The following PXDN variants were observed in gnomAD, a reference collection of about 807,000 sequenced individuals.
PXDN encodes peroxidasin homolog.
Under a neutral mutation model 140.3 loss-of-function variants are expected in PXDN, and 77 were observed. That is an observed-to-expected ratio of 0.55 (90% CI 0.46 to 0.66). The LOEUF (loss-of-function observed/expected upper bound fraction) is 0.66. PXDN is among the 30% of genes least tolerant of loss of function. PXDN has a pLI of 0.00. For missense variants in PXDN, 1,838 were observed against 2,039.5 expected (o/e 0.90, Z 1.90); for synonymous variants, 911 against 857.4 (o/e 1.06, Z -1.09).
chr2:1,732,209 C>T (rs1685327835), intron 1 of PXDN, among the ~76,000 whole-genome samples: 1 of 152,128 alleles, frequency 6.6e-6, no homozygotes, highest in African/African-American at 2.4e-5. Flanking sequence ...AGCTCATTGC[C>T]TAAGAGAGAA....
intron 1 of PXDN, among the ~76,000 whole-genome samples, chr2:1,701,273 A>G (rs538546259): frequency 1.3e-5 from 2 of 152,342 alleles, no homozygotes; most frequent in South Asian, 4.1e-4. Flanking sequence ...CACAGGGGTG[A>G]GTACATCCAT....
intron 2 of PXDN, 57 bp downstream of exon 2, chr2:1,693,005 TA>T: frequency 6.9e-7 from 1 of 1,439,148 alleles, no homozygotes; most frequent in Non-Finnish European, 9.6e-7. Context: ...TACCTACAGA[TA>T]AACAATGTAA....
chr2:1,709,679 C>A (rs11684180), intron 1 of PXDN, among the ~76,000 whole-genome samples: 1 of 152,088 alleles, frequency 6.6e-6, no homozygotes, highest in South Asian at 2.1e-4. Flanking sequence ...CTGTCACCCC[C>A]ACGCGGTGGT....
intron 19 of PXDN, among the ~76,000 whole-genome samples, chr2:1,642,842 C>T (rs1335596457): frequency 6.6e-6 from 1 of 152,210 alleles, no homozygotes; most frequent in African/African-American, 2.4e-5. Context: ...ATCAGGGCGT[C>T]CCTCAGCTAC....
chr2:1,704,779 A>C (rs1684550289), intron 1 of PXDN, among the ~76,000 whole-genome samples: 1 of 152,090 alleles, frequency 6.6e-6, no homozygotes, highest in Non-Finnish European at 1.5e-5. Flanking sequence ...TCAGATATGC[A>C]TGTCTCGGTG....
chr2:1,647,254 A>G (rs933901977), intron 17 of PXDN, among the ~76,000 whole-genome samples: 3 of 152,210 alleles, frequency 2.0e-5, no homozygotes, highest in Non-Finnish European at 2.9e-5. Flanking sequence ...ATAACATGAA[A>G]AAAAAGGTAG....
intron 7 of PXDN, among the ~76,000 whole-genome samples, chr2:1,678,276 GAATATA>G (rs1181813840): frequency 1.3e-5 from 2 of 152,114 alleles, no homozygotes; most frequent in Non-Finnish European, 2.9e-5. Flanking sequence ...GCTCCTTCTA[GAATATA>G]AACATCATCC....
intron 17 of PXDN, among the ~76,000 whole-genome samples, chr2:1,645,741 T>C (rs1031422757): frequency 6.6e-6 from 1 of 152,238 alleles, no homozygotes; most frequent in East Asian, 1.9e-4. Flanking sequence ...GGGAGGACCC[T>C]GGCAGCATCT....
chr2:1,715,836 G>A (rs750099960), intron 1 of PXDN, among the ~76,000 whole-genome samples: 4 of 152,136 alleles, frequency 2.6e-5, no homozygotes, highest in East Asian at 1.9e-4. Context: ...GTACTTGCCC[G>A]GGAAAACCAA....
intron 6 of PXDN, 107 bp downstream of exon 6, chr2:1,683,549 C>CA: frequency 3.5e-5 from 15 of 434,580 alleles, no homozygotes; most frequent in Non-Finnish European, 5.0e-5. Context: ...CTTTCAGAAT[C>CA]AGATTGTTAT....
chr2:1,663,977 C>G (rs1683370891), intron 11 of PXDN: 3 of 579,554 alleles, frequency 5.2e-6, no homozygotes, highest in Non-Finnish European at 9.1e-6. Flanking sequence ...GAGGGGTTGA[C>G]AGTGGCAGAG....
chr2:1,654,561 A>G (rs1683088310), intron 14 of PXDN, 53 bp from the exon 15 acceptor site: 2 of 1,223,544 alleles, frequency 1.6e-6, no homozygotes, highest in Non-Finnish European at 2.4e-6. Flanking sequence ...ACAATTACTC[A>G]TAAAATGATG....
At chr2:1,645,920 C>T (rs1682841174) in intron 17 of PXDN, 1 of 152,276 alleles carries the variant, frequency 6.6e-6, no homozygotes, top group African/African-American at 2.4e-5. Context: ...CTTAGGCTCA[C>T]CAGAGTCTAA....
intron 1 of PXDN, among the ~76,000 whole-genome samples, chr2:1,707,392 A>T (rs1359534652): frequency 2.5e-5 from 3 of 122,184 alleles, no homozygotes; most frequent in South Asian, 2.6e-4. Flanking sequence ...AGCTCTAAGC[A>T]TCACCTGCCC....
chr2:1,659,398 A>G (rs1243369868), intron 14 of PXDN, among the ~76,000 whole-genome samples: 1 of 152,270 alleles, frequency 6.6e-6, no homozygotes, highest in Admixed American at 6.5e-5. Context: ...CAATAGGTAG[A>G]TAAATGAGAC....
At chr2:1,740,898 G>A (rs1409901867) in intron 1 of PXDN, among the ~76,000 whole-genome samples, 1 of 152,198 alleles carries the variant, frequency 6.6e-6, no homozygotes, top group East Asian at 1.9e-4. Context: ...CCTGCCTGTG[G>A]TTTCTCTGCA....
chr2:1,693,528 C>T (rs56046200), intron 1 of PXDN, among the ~76,000 whole-genome samples: 2,360 of 152,282 alleles, frequency 0.015, 64 homozygotes, highest in African/African-American at 0.053. Flanking sequence ...AGAGTTTACT[C>T]CAGTGATTTC....
At chr2:1,681,295 G>C (rs1683896621) in intron 6 of PXDN, among the ~76,000 whole-genome samples, 1 of 152,102 alleles carries the variant, frequency 6.6e-6, no homozygotes, top group African/African-American at 2.4e-5. Flanking sequence ...GCTTTGCTGA[G>C]GGTCTCTATT....
intron 1 of PXDN, among the ~76,000 whole-genome samples, chr2:1,728,996 CT>C (rs1462072853): frequency 6.6e-6 from 1 of 151,414 alleles, no homozygotes; most frequent in African/African-American, 2.4e-5. Context: ...AGGCAGGGCG[CT>C]GGGCTGGCTG....
Sources: allele counts gnomAD v4.1 joint callset (sites outside exome capture counted in the v4.1 genomes callset), GRCh38; gene constraint gnomAD v4.1.1; transcripts MANE v1.5; gene names NCBI Gene and HGNC (gene_info 2026-07-23, HGNC 2026-07-21).